Variants in AKAP7 observed in about 807,000 individuals in gnomAD.
AKAP7 encodes the protein A-kinase anchoring protein 7.
AKAP7 carries 39 observed loss-of-function variants against 39.5 expected under a neutral mutation model. The observed-to-expected ratio is 0.99, with a 90% CI of 0.76 to 1.29. The LOEUF (loss-of-function observed/expected upper bound fraction) is 1.29. AKAP7 is among the 50% of genes most tolerant of loss of function. The pLI, the probability that AKAP7 is intolerant of heterozygous loss-of-function variation, is 0.00. For missense variants in AKAP7, 414 were observed against 407.7 expected (o/e 1.02, Z -0.13); for synonymous variants, 140 against 139.1 (o/e 1.01, Z -0.05).
At chr6:131,247,847 C>G (rs1020310664) in intron 7 of AKAP7, among the ~76,000 whole-genome samples, 1 of 152,060 alleles carries the variant, frequency 6.6e-6, no homozygotes, top group Non-Finnish European at 1.5e-5. Flanking sequence ...CCAGGCTGGT[C>G]TCGCAGTCTT....
chr6:131,199,553 T>C lies in AKAP7; in HGVS notation c.682T>C (p.Ser228Pro). ...PHLTFMKLSK[S>P]PWLRKNGVKK... is the part of the protein sequence containing the mutation. ...TTTGACCTTCATGAAGTTGTCAAAA[T>C]CACCGTGGCTCCGTAAGAATGTGAG... Residue 228 changes from serine to proline, a missense_variant, in exon 6 of 8, where the codon TCA (serine) becomes CCA (proline). Ser to Pro is a moderately conservative substitution (Grantham distance 74). Transcript: ENST00000431975. 1.2e-6 allele frequency: 2 copies of C among 1,607,562 alleles called. No homozygotes were observed. Among genetic ancestry groups the C allele is most frequent in the Non-Finnish European group, 8.5e-7 (1 of 1,174,202 alleles).
At chr6:131,201,251 A>G (rs545606496) in intron 6 of AKAP7, among the ~76,000 whole-genome samples, 18 of 152,124 alleles carry the variant, frequency 1.2e-4, no homozygotes, top group Admixed American at 2.0e-4. Flanking sequence ...ACGTGTAAGG[A>G]GCTCCCTGTT....
chr6:131,173,602 T>C (rs942714854), intron 5 of AKAP7, among the ~76,000 whole-genome samples: 2 of 152,234 alleles, frequency 1.3e-5, no homozygotes, highest in African/African-American at 4.8e-5. Flanking sequence ...CAAGGAGTAC[T>C]TAAAATCATT....
chr6:131,227,111 G>GA (rs1733301523), intron 7 of AKAP7, among the ~76,000 whole-genome samples: 1 of 152,186 alleles, frequency 6.6e-6, no homozygotes, highest in Admixed American at 6.5e-5. Flanking sequence ...AGAGTAGGGG[G>GA]ATAGGGGAGT....
At chr6:131,238,223 A>C (rs573290236) in intron 7 of AKAP7, among the ~76,000 whole-genome samples, 4 of 152,136 alleles carry the variant, frequency 2.6e-5, no homozygotes, top group South Asian at 4.2e-4. Context: ...GTTTTGAGTG[A>C]GTTTCTTAAT....
intron 1 of AKAP7, among the ~76,000 whole-genome samples, 189 bp from the exon 2 acceptor site, chr6:131,145,096 A>G (rs926237202): frequency 6.6e-6 from 1 of 151,988 alleles, no homozygotes; most frequent in African/African-American, 2.4e-5. Context: ...TTATAAGTGT[A>G]CAAAAATATA....
At chr6:131,159,831 A>G (rs1020422133) in intron 2 of AKAP7, among the ~76,000 whole-genome samples, 1 of 152,196 alleles carries the variant, frequency 6.6e-6, no homozygotes, top group Non-Finnish European at 1.5e-5. Context: ...CCACTCATTT[A>G]TGTTTTGTCT....
the AKAP7 span, among the ~76,000 whole-genome samples, chr6:131,126,708 C>T: frequency 6.6e-6 from 1 of 152,192 alleles, no homozygotes; most frequent in African/African-American, 2.4e-5. Flanking sequence ...ATGGGCCACA[C>T]TACCTGAATC....
intron 6 of AKAP7, among the ~76,000 whole-genome samples, chr6:131,214,914 C>T (rs1809004442): frequency 6.6e-6 from 1 of 152,156 alleles, no homozygotes; most frequent in African/African-American, 2.4e-5. Flanking sequence ...TATTCTGAAT[C>T]TGTATCCAAG....
intron 5 of AKAP7, among the ~76,000 whole-genome samples, chr6:131,181,922 G>C (rs975606531): frequency 1.3e-5 from 2 of 152,024 alleles, no homozygotes; most frequent in African/African-American, 4.8e-5. Context: ...TTAGGAGTTT[G>C]AAACCAGCCT....
chr6:131,238,790 C>T (rs944103020), intron 7 of AKAP7, among the ~76,000 whole-genome samples: 11 of 152,062 alleles, frequency 7.2e-5, no homozygotes, highest in Non-Finnish European at 1.5e-4. Context: ...TTATTTTGAA[C>T]CTATATGTGT....
intron 3 of AKAP7, among the ~76,000 whole-genome samples, chr6:131,163,379 T>G (rs1252553286): frequency 1.3e-5 from 2 of 152,230 alleles, no homozygotes; most frequent in Admixed American, 1.3e-4. Context: ...ATTTTCTTTT[T>G]AAACTACTTA....
intron 7 of AKAP7, among the ~76,000 whole-genome samples, chr6:131,227,414 C>A (rs1810263861): frequency 6.6e-6 from 1 of 152,112 alleles, no homozygotes; most frequent in South Asian, 2.1e-4. Context: ...GACATAGTTA[C>A]ATACACTGAG....
At chr6:131,131,189 C>T (rs997303497), upstream of AKAP7, among the ~76,000 whole-genome samples, 1 of 152,180 alleles carries the variant, frequency 6.6e-6, no homozygotes, top group African/African-American at 2.4e-5. Flanking sequence ...CACATCCTCG[C>T]ATCCACCCTC....
intron 5 of AKAP7, among the ~76,000 whole-genome samples, chr6:131,177,114 C>T (rs1490329248): frequency 1.3e-5 from 2 of 152,170 alleles, no homozygotes; most frequent in African/African-American, 2.4e-5. Flanking sequence ...TTCAATCAAA[C>T]ACTTTCTAAA....
At chr6:131,135,221 A>G (rs1433734372), upstream of AKAP7, among the ~76,000 whole-genome samples, 1 of 152,170 alleles carries the variant, frequency 6.6e-6, no homozygotes, top group Non-Finnish European at 1.5e-5. Flanking sequence ...CCTAGTCCCA[A>G]TCTCGCCCTT....
intron 5 of AKAP7, among the ~76,000 whole-genome samples, chr6:131,189,140 C>G (rs949886173): frequency 6.6e-5 from 10 of 152,132 alleles, no homozygotes; most frequent in African/African-American, 2.4e-4. Flanking sequence ...GGGAGCAGCT[C>G]GCTGCTGCTT....
chr6:131,184,830 T>A (rs1805659735), intron 5 of AKAP7: 2 of 1,473,206 alleles, frequency 1.4e-6, no homozygotes, highest in Non-Finnish European at 1.9e-6. Flanking sequence ...AACTGAGGCC[T>A]GGTCGGTTCT....
chr6:131,154,935 T>G (rs1802287435), intron 2 of AKAP7, among the ~76,000 whole-genome samples: 1 of 152,186 alleles, frequency 6.6e-6, no homozygotes, highest in Non-Finnish European at 1.5e-5. Context: ...TTAAAATTTT[T>G]TTCTGTCTCT....
Sources: gnomAD v4.1 joint callset for allele counts (sites outside exome capture counted in the v4.1 genomes callset) on GRCh38, gnomAD v4.1.1 for gene constraint, MANE v1.5 for transcripts, NCBI Gene and HGNC (gene_info 2026-07-23, HGNC 2026-07-21) for gene names.